ERC1: variants seen among roughly 807,000 people sequenced by gnomAD.
The protein encoded by ERC1 is RAB6 interacting protein 2.
ERC1 carries 56 observed loss-of-function variants against 132.0 expected under a neutral mutation model. That is an observed-to-expected ratio of 0.42 (90% CI 0.34 to 0.53). The LOEUF (loss-of-function observed/expected upper bound fraction) is 0.53, where lower values mean the gene tolerates loss of function less well. Ranked by LOEUF, ERC1 falls within the 20% of genes least tolerant of loss-of-function variation. ERC1 has a pLI of 0.03. For missense variants in ERC1, 1,202 were observed against 1,349.9 expected, an observed-to-expected ratio of 0.89 and a Z score of 1.72; for synonymous variants, 478 against 476.1, an observed-to-expected ratio of 1.00 and a Z score of -0.05.
intron 18 of ERC1, among the ~76,000 whole-genome samples, 155 bp from the exon 19 acceptor site, chr12:1,489,938 T>G (rs2094300835): frequency 6.6e-6 from 1 of 152,232 alleles, no homozygotes; most frequent in South Asian, 2.1e-4. Flanking sequence ...TGAAGACGCA[T>G]TTGATATTTG....
intron 15 of ERC1, among the ~76,000 whole-genome samples, chr12:1,371,107 G>T (rs144426863): frequency 3.9e-5 from 6 of 152,294 alleles, no homozygotes; most frequent in Non-Finnish European, 5.9e-5. Context: ...ATCATTAATT[G>T]TAGAGAGAAT....
chr12:1,436,158 A>C (rs879538896), intron 17 of ERC1, among the ~76,000 whole-genome samples: 1 of 123,796 alleles, frequency 8.1e-6, no homozygotes, highest in Non-Finnish European at 1.6e-5. Flanking sequence ...ACAGACGGAC[A>C]CACACACACA....
intron 13 of ERC1, among the ~76,000 whole-genome samples, chr12:1,240,743 C>T (rs1420353915): frequency 6.6e-6 from 1 of 152,050 alleles, no homozygotes. Flanking sequence ...TTTTAATTAA[C>T]ATACTAGAAA....
intron 7 of ERC1, among the ~76,000 whole-genome samples, chr12:1,125,196 G>A (rs1948020529): frequency 6.6e-6 from 1 of 151,894 alleles, no homozygotes; most frequent in Non-Finnish European, 1.5e-5. Flanking sequence ...GGGTTTCACT[G>A]TGTTAGCCAG....
At chr12:1,365,539 C>G (rs2086580632) in intron 15 of ERC1, among the ~76,000 whole-genome samples, 1 of 152,148 alleles carries the variant, frequency 6.6e-6, no homozygotes, top group Non-Finnish European at 1.5e-5. Context: ...AAGATCCTGT[C>G]TTTGTGGAGT....
At chr12:990,863 C>T (rs1332459659), upstream of ERC1, among the ~76,000 whole-genome samples, 1 of 151,832 alleles carries the variant, frequency 6.6e-6, no homozygotes, top group East Asian at 1.9e-4. Flanking sequence ...CTACGGCAAG[C>T]AGGAGGAGAC....
Position 1,485,414 on chromosome 12 carries a change from A to C in ERC1, c.3214-4679A>C, listed in dbSNP as rs537708000. ...GAGACAGAGTTTCACCACATTGGCC[A>C]GGCTGGTCTTGAACTCCTGACCTTG... On this transcript the variant is annotated intron_variant, in intron 18 of 18. Coordinates refer to ENST00000360905, the MANE Select transcript of ERC1 (RefSeq NM_178040.4). Among the ~76,000 whole-genome samples the C allele has an allele frequency of 5.3e-5, 8 of 151,912 alleles. No homozygotes were observed. In the South Asian group the frequency reaches 1.2e-3, roughly 24 times the overall value.
intron 10 of ERC1, 115 bp from the exon 11 acceptor site, chr12:1,183,166 A>T: frequency 1.9e-6 from 1 of 540,464 alleles, no homozygotes; most frequent in Non-Finnish European, 3.1e-6. Flanking sequence ...TTGTAATGGG[A>T]GTATGTCAGC....
intron 17 of ERC1, among the ~76,000 whole-genome samples, chr12:1,424,865 G>T (rs1181633758): frequency 2.3e-5 from 1 of 43,100 alleles, no homozygotes; most frequent in Non-Finnish European, 4.9e-5. Context: ...TAGATAGATC[G>T]ATAGATAGAT....
intron 17 of ERC1, among the ~76,000 whole-genome samples, chr12:1,440,371 A>C (rs2093084868): frequency 6.8e-6 from 1 of 148,096 alleles, no homozygotes; most frequent in African/African-American, 2.5e-5. Flanking sequence ...CGCCCGGCTA[A>C]TTTTTTTTGT....
intron 1 of ERC1, among the ~76,000 whole-genome samples, chr12:1,004,613 G>GC (rs1192813402): frequency 6.6e-6 from 1 of 151,628 alleles, no homozygotes; most frequent in African/African-American, 2.4e-5. Flanking sequence ...CACCGTGTTG[G>GC]CCAGGCTGGT....
intron 16 of ERC1, among the ~76,000 whole-genome samples, chr12:1,398,956 TTTTTGTTG>T (rs2090781076): frequency 1.0e-5 from 1 of 95,498 alleles, no homozygotes; most frequent in African/African-American, 5.9e-5. Flanking sequence ...TTTTTTTTTT[TTTTTGTTG>T]AAACAAGGTC....
At chr12:1,184,775 C>CA (rs1483400960) in intron 11 of ERC1, among the ~76,000 whole-genome samples, 1 of 152,100 alleles carries the variant, frequency 6.6e-6, no homozygotes, top group Non-Finnish European at 1.5e-5. Flanking sequence ...TTTTTAGAGA[C>CA]AGGGTCTTGC....
intron 13 of ERC1, among the ~76,000 whole-genome samples, chr12:1,237,273 T>C (rs1392361318): frequency 6.6e-6 from 1 of 152,180 alleles, no homozygotes; most frequent in Non-Finnish European, 1.5e-5. Flanking sequence ...GTGTCTTTCT[T>C]CCTTTTTTCT....
chr12:1,248,642 A>G (rs942476402), intron 13 of ERC1, among the ~76,000 whole-genome samples: 3 of 152,244 alleles, frequency 2.0e-5, no homozygotes, highest in African/African-American at 7.2e-5. Context: ...AGTCTACGTG[A>G]AAAGTTGACA....
chr12:1,119,268 T>A (rs4365110), intron 7 of ERC1, among the ~76,000 whole-genome samples: 1 of 150,206 alleles, frequency 6.7e-6, no homozygotes, highest in African/African-American at 2.5e-5. Flanking sequence ...GTTTTTTTTG[T>A]TTTTTTTTTC....
At chr12:1,254,175 A>AT (rs1251786366) in intron 13 of ERC1, among the ~76,000 whole-genome samples, 5 of 152,226 alleles carry the variant, frequency 3.3e-5, no homozygotes, top group Non-Finnish European at 4.4e-5. Context: ...ATTTTAGGTG[A>AT]TATGAACTAT....
chr12:1,414,138 C>A (rs894143153), intron 17 of ERC1, among the ~76,000 whole-genome samples: 20 of 152,366 alleles, frequency 1.3e-4, no homozygotes, highest in African/African-American at 4.8e-4. Flanking sequence ...CCACTCCTCT[C>A]CTGCTGTGCT....
chr12:1,336,687 A>G (rs148098815), intron 15 of ERC1, among the ~76,000 whole-genome samples: 131 of 152,232 alleles, frequency 8.6e-4, no homozygotes, highest in African/African-American at 2.9e-3. Flanking sequence ...GTTTTAGAGT[A>G]TGTGCCATGC....
Sources: allele counts gnomAD v4.1 joint callset (sites outside exome capture counted in the v4.1 genomes callset), GRCh38; gene constraint gnomAD v4.1.1; transcripts MANE v1.5; gene names NCBI Gene and HGNC (gene_info 2026-07-23, HGNC 2026-07-21).